The following TBC1D1 variants were observed in gnomAD, a reference collection of about 807,000 sequenced individuals.
TBC1D1 encodes the protein TBC1 (tre-2/USP6, BUB2, cdc16) domain family, member 1.
TBC1D1 carries 89 observed loss-of-function variants against 125.6 expected under a neutral mutation model. That is an observed-to-expected ratio of 0.71 (90% CI 0.60 to 0.85). The LOEUF (loss-of-function observed/expected upper bound fraction) is 0.85. Ranked by LOEUF, TBC1D1 falls within the 40% of genes least tolerant of loss-of-function variation. The pLI is 0.00. For missense variants in TBC1D1, 1,377 were observed against 1,469.2 expected (o/e 0.94, Z 1.03); for synonymous variants, 565 against 564.1 (o/e 1.00, Z -0.02).
At chr4:37,996,710 T>C (rs1452421037) in intron 2 of TBC1D1, among the ~76,000 whole-genome samples, 1 of 152,256 alleles carries the variant, frequency 6.6e-6, no homozygotes, top group African/African-American at 2.4e-5. Flanking sequence ...CACTCATGAA[T>C]TAGTGTAATT....
intron 6 of TBC1D1, among the ~76,000 whole-genome samples, chr4:38,026,683 A>G (rs575699575): frequency 1.3e-5 from 2 of 152,258 alleles, no homozygotes; most frequent in Admixed American, 6.5e-5. Context: ...TCCTTTCATT[A>G]TCAACCGTCT....
At chr4:37,926,383 G>A (rs1166624122) in intron 2 of TBC1D1, among the ~76,000 whole-genome samples, 2 of 152,184 alleles carry the variant, frequency 1.3e-5, no homozygotes, top group African/African-American at 2.4e-5. Flanking sequence ...ATTACAAAGT[G>A]CCCCTTCCTT....
intron 2 of TBC1D1, among the ~76,000 whole-genome samples, chr4:38,009,225 A>AT (rs925827369): frequency 6.6e-5 from 10 of 151,976 alleles, no homozygotes; most frequent in Admixed American, 3.3e-4. Context: ...ATTACGTAGC[A>AT]TTTTTTTTGT....
chr4:38,020,977 T>C, intron 5 of TBC1D1: 1 of 279,174 alleles, frequency 3.6e-6, no homozygotes. Flanking sequence ...GTTTGCCTTT[T>C]TTCTCAGTAG....
At chr4:38,046,303 C>T (rs1359991966) in intron 10 of TBC1D1, among the ~76,000 whole-genome samples, 2 of 151,224 alleles carry the variant, frequency 1.3e-5, no homozygotes, top group Non-Finnish European at 2.9e-5. Context: ...ACCTGGGAGG[C>T]GGAGCTTGCA....
intron 2 of TBC1D1, among the ~76,000 whole-genome samples, chr4:37,987,730 A>G (rs1253267924): frequency 6.6e-6 from 1 of 152,246 alleles, no homozygotes; most frequent in Non-Finnish European, 1.5e-5. Flanking sequence ...AAGACAATTC[A>G]ATGATAGACC....
intron 10 of TBC1D1, among the ~76,000 whole-genome samples, chr4:38,048,018 G>A (rs1749813729): frequency 6.6e-6 from 1 of 152,116 alleles, no homozygotes; most frequent in African/African-American, 2.4e-5. Context: ...CTTTTAAAAG[G>A]ATTTAAAAGT....
intron 15 of TBC1D1, chr4:38,110,735 G>A: frequency 1.0e-6 from 1 of 985,446 alleles, no homozygotes; most frequent in Admixed American, 6.1e-5. Context: ...CTGCTTTGTG[G>A]TAAGTTGTAA....
intron 8 of TBC1D1, among the ~76,000 whole-genome samples, chr4:38,041,766 T>A (rs1352242297): frequency 1.3e-5 from 2 of 152,218 alleles, no homozygotes; most frequent in Non-Finnish European, 2.9e-5. Context: ...CACATACATA[T>A]AAAAGCAGAA....
At chr4:38,079,265 T>C (rs1217015420) in intron 12 of TBC1D1, among the ~76,000 whole-genome samples, 1 of 152,244 alleles carries the variant, frequency 6.6e-6, no homozygotes, top group Non-Finnish European at 1.5e-5. Context: ...TCTGGAAGTT[T>C]TCTGGAAGGA....
At chr4:37,971,129 C>T (rs762941203) in intron 2 of TBC1D1, among the ~76,000 whole-genome samples, 20 of 152,118 alleles carry the variant, frequency 1.3e-4, no homozygotes, top group Non-Finnish European at 2.1e-4. Flanking sequence ...GTTCCCAGAC[C>T]GGCCCCCCTG....
chr4:38,112,155 G>T, intron 15 of TBC1D1: 3 of 746,182 alleles, frequency 4.0e-6, no homozygotes, highest in Non-Finnish European at 4.9e-6. Context: ...GCTGAATCTA[G>T]GTGGTGGTGG....
intron 15 of TBC1D1, among the ~76,000 whole-genome samples, chr4:38,103,365 T>TTAAC (rs1560795635): frequency 6.6e-6 from 1 of 152,236 alleles, no homozygotes; most frequent in Admixed American, 6.5e-5. Context: ...GGGGAGCTTG[T>TTAAC]TAACTTTGCT....
chr4:37,960,273 G>T (rs1729717570), intron 2 of TBC1D1, among the ~76,000 whole-genome samples: 2 of 152,176 alleles, frequency 1.3e-5, no homozygotes, highest in African/African-American at 4.8e-5. Context: ...CTGACCTCAG[G>T]CCTGTGCTCT....
At chr4:37,957,249 C>A (rs1181260614) in intron 2 of TBC1D1, among the ~76,000 whole-genome samples, 1 of 152,202 alleles carries the variant, frequency 6.6e-6, no homozygotes, top group Non-Finnish European at 1.5e-5. Flanking sequence ...CCTGATATGA[C>A]ACATGTTTTC....
chr4:38,130,446 T>C (rs1421737726), intron 18 of TBC1D1, among the ~76,000 whole-genome samples: 1 of 152,204 alleles, frequency 6.6e-6, no homozygotes, highest in African/African-American at 2.4e-5. Flanking sequence ...ATTCCTACTT[T>C]GGCAAACAGA....
chr4:37,892,806 C>T (rs1713641709), intron 1 of TBC1D1, among the ~76,000 whole-genome samples: 1 of 144,456 alleles, frequency 6.9e-6, no homozygotes, highest in Admixed American at 7.8e-5. Context: ...TTTGTCAAAA[C>T]ACTAGTGGGT....
chr4:37,998,085 C>T (rs1738210262), intron 2 of TBC1D1, among the ~76,000 whole-genome samples: 1 of 152,162 alleles, frequency 6.6e-6, no homozygotes, highest in Non-Finnish European at 1.5e-5. Context: ...CCACTTCTTG[C>T]CAGCTTTACC....
intron 1 of TBC1D1, among the ~76,000 whole-genome samples, chr4:37,900,146 G>T (rs1715592532): frequency 7.1e-6 from 1 of 141,544 alleles, no homozygotes; most frequent in Non-Finnish European, 1.5e-5. Context: ...AAAAAAAAAA[G>T]TAAGGAAGGT....
Sources: allele counts gnomAD v4.1 joint callset (sites outside exome capture counted in the v4.1 genomes callset), GRCh38; gene constraint gnomAD v4.1.1; transcripts MANE v1.5; gene names NCBI Gene and HGNC (gene_info 2026-07-23, HGNC 2026-07-21).